Variants in CSRP1 observed in about 807,000 individuals in gnomAD.
CSRP1 encodes cysteine and glycine-rich protein 1.
A neutral mutation model predicts 25.4 loss-of-function variants in CSRP1; 16 were observed. The observed-to-expected ratio is 0.63, with a 90% confidence interval of 0.43 to 0.96. The LOEUF is 0.96. CSRP1 is among the 40% of genes least tolerant of loss of function. The pLI is 0.00. For synonymous variants in CSRP1, 97 were observed against 95.3 expected, an observed-to-expected ratio of 1.02 and a Z score of -0.10; for missense variants, 212 against 243.6, an observed-to-expected ratio of 0.87 and a Z score of 0.86.
At chr1:201,495,690 C>T (rs1237957053) in intron 2 of CSRP1, 1 of 152,660 alleles carries the variant, frequency 6.6e-6, no homozygotes, top group East Asian at 1.9e-4. Flanking sequence ...ACTCCCTCTT[C>T]CTCTCATCCC....
intron 2 of CSRP1, chr1:201,495,462 T>C (rs1448212850): frequency 6.6e-6 from 1 of 152,244 alleles, no homozygotes; most frequent in Non-Finnish European, 1.5e-5. Flanking sequence ...CCAACTCATT[T>C]AGGAACCTGA....
intron 1 of CSRP1, among the ~76,000 whole-genome samples, chr1:201,499,319 T>A (rs996169380): frequency 6.6e-6 from 1 of 152,196 alleles, no homozygotes; most frequent in African/African-American, 2.4e-5. Flanking sequence ...ACTGGGGAGA[T>A]GCCCCTTCCC....
chr1:201,486,936 TTAATAA>T (rs1053200965), intron 4 of CSRP1: 111 of 1,276,650 alleles, frequency 8.7e-5, no homozygotes, highest in Non-Finnish European at 1.1e-4. Flanking sequence ...AAAACCCAAC[TTAATAA>T]TAATATTAAT....
intron 1 of CSRP1, among the ~76,000 whole-genome samples, chr1:201,500,280 AG>A (rs1664626957): frequency 6.6e-6 from 1 of 152,232 alleles, no homozygotes; most frequent in Admixed American, 6.5e-5. Context: ...GTTGGGAGCC[AG>A]TTCCAAGCAC....
chr1:201,494,824 G>GTGTGCA (rs147225348), intron 2 of CSRP1, among the ~76,000 whole-genome samples: 5 of 147,764 alleles, frequency 3.4e-5, no homozygotes, highest in Admixed American at 6.8e-5. Context: ...CCTCAGCAGT[G>GTGTGCA]TGCGTGTGTG....
chr1:201,490,371 C>A, intron 2 of CSRP1, 27 bp from the exon 3 acceptor site: 1 of 1,609,538 alleles, frequency 6.2e-7, no homozygotes, highest in Non-Finnish European at 8.5e-7. Context: ...GAAGCGGACG[C>A]ATTGAGTTGA....
In CSRP1 at chr1:201,496,235, A is replaced by G. The variant is rs1412038179; in HGVS notation, c.69T>C (p.Val23=). 1 of 1,614,102 alleles carries G rather than the reference A, an allele frequency of 6.2e-7. No individual in the cohort carries two copies. Among genetic ancestry groups the G allele is most frequent in the African/African-American group, 1.3e-5 (1 of 74,940 alleles). Reference sequence around the variant, plus strand: ...TATGGAAGCTGTTGCCTTCGCACTGAACCTCTTCGGCAAAGTAAACCGTCT... The same window carrying G: ...TATGGAAGCTGTTGCCTTCGCACTGGACCTCTTCGGCAAAGTAAACCGTCT... ...CQKTVYFAEE[V]QCEGNSFHKS... The change falls in exon 2 of 6, where the codon GTT becomes GTC. Residue 23 remains valine, a synonymous_variant. Coordinates refer to ENST00000340006, the MANE Select transcript of CSRP1 (RefSeq NM_004078.3).
In CSRP1 at chr1:201,488,998, G is replaced by T. The variant is rs1485998068; in HGVS notation, c.282-14C>A. 2 of 1,613,224 alleles carry T rather than the reference G, an allele frequency of 1.2e-6. No homozygotes were observed. Among genetic ancestry groups the T allele is most frequent in the Non-Finnish European group, 1.7e-6 (2 of 1,179,728 alleles). ...TGGCCAGGGGCTCTGCATGGAGAAG[G>T]GCATGGGGTGAGGTGACTTACACTG... is the stretch of plus-strand genomic sequence containing the variant. On this transcript the variant is annotated splice_polypyrimidine_tract_variant and intron_variant, in intron 3 of 5. Coordinates refer to ENST00000340006, the MANE Select transcript of CSRP1 (RefSeq NM_004078.3).
At chr1:201,485,839 GA>G (rs1209409428) in intron 4 of CSRP1, 1 of 157,814 alleles carries the variant, frequency 6.3e-6, no homozygotes, top group Non-Finnish European at 1.4e-5. Flanking sequence ...CTCTCATAGA[GA>G]CCCAAAGGGT....
At chr1:201,503,475 C>T (rs955390618) in intron 1 of CSRP1, among the ~76,000 whole-genome samples, 5 of 152,120 alleles carry the variant, frequency 3.3e-5, no homozygotes, top group Non-Finnish European at 7.3e-5. Context: ...GGCACACAGT[C>T]GGGGGTAGGG....
intron 1 of CSRP1, chr1:201,506,781 G>C (rs1004747991): frequency 6.6e-6 from 1 of 152,348 alleles, no homozygotes; most frequent in African/African-American, 2.4e-5. Flanking sequence ...CAGAATCGCC[G>C]ATTGTTCTGC....
intron 1 of CSRP1, among the ~76,000 whole-genome samples, chr1:201,501,977 G>A (rs1042344666): frequency 6.8e-6 from 1 of 146,974 alleles, no homozygotes; most frequent in African/African-American, 2.5e-5. Context: ...GGGCAATAAA[G>A]CAATACTCAG....
intron 4 of CSRP1, chr1:201,488,207 G>A (rs1024225136): frequency 2.0e-5 from 3 of 152,202 alleles, no homozygotes; most frequent in African/African-American, 7.2e-5. Flanking sequence ...TCTGAAGGAA[G>A]TGATCAGCTC....
At chr1:201,501,598 A>G (rs957213491) in intron 1 of CSRP1, among the ~76,000 whole-genome samples, 1 of 152,158 alleles carries the variant, frequency 6.6e-6, no homozygotes, top group African/African-American at 2.4e-5. Flanking sequence ...CTGTACCCAG[A>G]TCCTCAGCCT....
intron 1 of CSRP1, among the ~76,000 whole-genome samples, chr1:201,505,971 T>C (rs959105304): frequency 6.6e-6 from 1 of 152,194 alleles, no homozygotes; most frequent in African/African-American, 2.4e-5. Flanking sequence ...AGACAGTAAC[T>C]GAGAGATCAC....
At chr1:201,489,103 C>T in intron 3 of CSRP1, 119 bp from the exon 4 acceptor site, 1 of 1,317,698 alleles carries the variant, frequency 7.6e-7, no homozygotes, top group Non-Finnish European at 1.0e-6. Context: ...TTCTCTCTGC[C>T]AAAGTCACAA....
intron 1 of CSRP1, chr1:201,506,578 T>C (rs1664831995): frequency 6.6e-6 from 1 of 152,002 alleles, no homozygotes; most frequent in Non-Finnish European, 1.5e-5. Flanking sequence ...AGATTTGGAG[T>C]GGAGAGGTTT....
chr1:201,501,708 C>T (rs1425027217), intron 1 of CSRP1, among the ~76,000 whole-genome samples: 1 of 152,122 alleles, frequency 6.6e-6, no homozygotes, highest in Non-Finnish European at 1.5e-5. Context: ...GAAAGTCAGG[C>T]TCGGCTGGGT....
intron 1 of CSRP1, among the ~76,000 whole-genome samples, chr1:201,501,688 C>G (rs1180889687): frequency 6.6e-6 from 1 of 152,094 alleles, no homozygotes; most frequent in East Asian, 1.9e-4. Context: ...TCAGTCACCC[C>G]AAATCTCATG....
Sources: gnomAD v4.1 joint callset for allele counts (sites outside exome capture counted in the v4.1 genomes callset) on GRCh38, gnomAD v4.1.1 for gene constraint, MANE v1.5 for transcripts, NCBI Gene and HGNC (gene_info 2026-07-23, HGNC 2026-07-21) for gene names.